KIAA1217: variants seen among roughly 807,000 people sequenced by gnomAD.
The protein encoded by KIAA1217 is KIAA1217, also known as sickle tail protein homolog.
KIAA1217 carries 88 observed loss-of-function variants against 163.9 expected under a neutral mutation model. The observed-to-expected ratio is 0.54, with a 90% CI of 0.45 to 0.64. KIAA1217 has a LOEUF of 0.64. Ranked by LOEUF, KIAA1217 falls within the 30% of genes least tolerant of loss-of-function variation. The pLI, the probability that KIAA1217 is intolerant of heterozygous loss-of-function variation, is 0.00. For missense variants in KIAA1217, 2,372 were observed against 2,475.0 expected (o/e 0.96, Z 0.88); for synonymous variants, 903 against 923.1 (o/e 0.98, Z 0.39).
chr10:24,063,465 T>C (rs1237013706), intron 2 of KIAA1217, among the ~76,000 whole-genome samples: 2 of 152,192 alleles, frequency 1.3e-5, no homozygotes, highest in Non-Finnish European at 1.5e-5. Flanking sequence ...TGTGGTATTA[T>C]TTCTGAGGGC....
chr10:24,010,389 T>C lies in KIAA1217; in HGVS notation c.-171+3015T>C, dbSNP rs146684940. ...ACTTTCTTTCTGTTCTTCTCAGTGA[T>C]ACTACCTTTGTTCAACCCATCTCTT... On this transcript the variant is annotated intron_variant, in intron 2 of 18. Coordinates refer to the KIAA1217 transcript ENST00000376462. Among the ~76,000 whole-genome samples the C allele has an allele frequency of 2.6e-4, 40 of 152,294 alleles. 1 individual carries two copies. The highest frequency in any genetic ancestry group is 8.9e-4 in the African/African-American group (37 of 41,586).
intron 1 of KIAA1217, among the ~76,000 whole-genome samples, chr10:23,822,151 T>A (rs1837651072): frequency 1.3e-5 from 2 of 152,170 alleles, no homozygotes; most frequent in Admixed American, 1.3e-4. Context: ...ATCCCTTTCC[T>A]GTCAGGAAAG....
intron 2 of KIAA1217, among the ~76,000 whole-genome samples, chr10:24,294,451 C>T (rs894771765): frequency 3.9e-5 from 6 of 152,194 alleles, no homozygotes; most frequent in African/African-American, 1.4e-4. Context: ...CAACTGGCAC[C>T]TTCCCTGTCT....
chr10:24,324,408 A>T (rs2044592203), intron 2 of KIAA1217, among the ~76,000 whole-genome samples: 1 of 152,124 alleles, frequency 6.6e-6, no homozygotes, highest in Non-Finnish European at 1.5e-5. Flanking sequence ...CTCCACTAAA[A>T]ATACAAAAAT....
intron 2 of KIAA1217, among the ~76,000 whole-genome samples, chr10:24,183,005 A>G (rs1335136981): frequency 6.6e-6 from 1 of 152,166 alleles, no homozygotes; most frequent in Non-Finnish European, 1.5e-5. Flanking sequence ...TCCCTTGTGA[A>G]AGGCTTAGTG....
intron 1 of KIAA1217, among the ~76,000 whole-genome samples, chr10:24,002,493 G>A (rs61849227): frequency 0.23 from 34,591 of 152,054 alleles, 4,368 homozygotes; most frequent in East Asian, 0.28. Context: ...CAGATGCCCA[G>A]TGGGTCCACC....
At chr10:24,167,987 C>T (rs185703627) in intron 2 of KIAA1217, among the ~76,000 whole-genome samples, 390 of 152,226 alleles carry the variant, frequency 2.6e-3, no homozygotes, top group African/African-American at 8.5e-3. Context: ...AGAGCCCTCA[C>T]GAAAACATCT....
chr10:24,158,217 T>G (rs1034621712), intron 2 of KIAA1217: 1 of 734,486 alleles, frequency 1.4e-6, no homozygotes, highest in Non-Finnish European at 2.6e-6. Context: ...CATCTACTCC[T>G]GGAACAGGGC....
chr10:24,178,024 A>G (rs1187950794), intron 2 of KIAA1217, among the ~76,000 whole-genome samples: 2 of 152,200 alleles, frequency 1.3e-5, no homozygotes, highest in Non-Finnish European at 2.9e-5. Flanking sequence ...TTTAGCTTTT[A>G]GAGAGTAACA....
chr10:24,390,642 G>A (rs183119922), intron 3 of KIAA1217, among the ~76,000 whole-genome samples: 6 of 152,270 alleles, frequency 3.9e-5, no homozygotes, highest in East Asian at 1.9e-4. Context: ...ACTTTAATTT[G>A]CCAAAACATT....
chr10:24,291,420 T>C (rs1214351868), intron 2 of KIAA1217, among the ~76,000 whole-genome samples: 1 of 152,072 alleles, frequency 6.6e-6, no homozygotes, highest in Non-Finnish European at 1.5e-5. Flanking sequence ...ATCCCAGCTA[T>C]TAGGGTGGCT....
intron 9 of KIAA1217, among the ~76,000 whole-genome samples, chr10:24,504,404 C>T (rs1393850766): frequency 6.6e-6 from 1 of 152,172 alleles, no homozygotes; most frequent in Non-Finnish European, 1.5e-5. Context: ...CATTTGTATT[C>T]CCTGGGTCCC....
At chr10:23,701,302 G>C (rs1450586926) in intron 1 of KIAA1217, among the ~76,000 whole-genome samples, 3 of 152,138 alleles carry the variant, frequency 2.0e-5, no homozygotes, top group African/African-American at 7.2e-5. Context: ...GGAAATAAAT[G>C]CATTTATCTC....
intron 1 of KIAA1217, among the ~76,000 whole-genome samples, chr10:23,947,024 A>G (rs1394246599): frequency 6.6e-6 from 1 of 151,852 alleles, no homozygotes; most frequent in African/African-American, 2.4e-5. Flanking sequence ...GCTTTTCCCC[A>G]TTTTGCTTGA....
At chr10:24,494,012 C>G (rs551265717) in intron 6 of KIAA1217, among the ~76,000 whole-genome samples, 1 of 152,264 alleles carries the variant, frequency 6.6e-6, no homozygotes, top group Middle Eastern at 3.4e-3. Context: ...TTTGTGTTGC[C>G]CCTAAGCTGT....
chr10:23,990,242 T>C (rs2131435435), intron 1 of KIAA1217, among the ~76,000 whole-genome samples: 1 of 152,242 alleles, frequency 6.6e-6, no homozygotes, highest in Admixed American at 6.5e-5. Context: ...CAAAGGTAAA[T>C]CATGCAACAT....
intron 1 of KIAA1217, among the ~76,000 whole-genome samples, chr10:23,849,413 A>T (rs1348643058): frequency 1.3e-5 from 2 of 152,022 alleles, no homozygotes; most frequent in East Asian, 3.9e-4. Context: ...AGGACCCTAG[A>T]TCTGTGTTGA....
At position 24,380,721 on chromosome 10, in the gene KIAA1217, G is replaced by A. The variant is rs575637517; in HGVS notation, c.355-148G>A. ...CACAACTGATACTTTGACCCACTGGGTCTTTAGTTTTCCCTATCTAACCCT... is the reference window on the plus strand; with the variant it reads ...CACAACTGATACTTTGACCCACTGGATCTTTAGTTTTCCCTATCTAACCCT... On this transcript the variant is annotated intron_variant, in intron 2 of 20. Transcript: ENST00000376454. 105 of 459,324 alleles carry A rather than the reference G, an allele frequency of 2.3e-4. No individual in the cohort carries two copies. In the East Asian group the frequency reaches 3.1e-3, roughly 14 times the overall value. 28.5% of individuals were successfully genotyped at this position (459,324 alleles called of 1,614,324 possible). A position where few individuals can be genotyped will look rare whatever the true frequency, so the allele number is the denominator to read the frequency against.
intron 2 of KIAA1217, among the ~76,000 whole-genome samples, chr10:24,318,071 C>T (rs543605044): frequency 3.0e-4 from 45 of 152,154 alleles, no homozygotes; most frequent in South Asian, 6.2e-4. Context: ...CTTTGGGAAG[C>T]GGAGGCAGGA....
Sources: allele counts gnomAD v4.1 joint callset (sites outside exome capture counted in the v4.1 genomes callset), GRCh38; gene constraint gnomAD v4.1.1; transcripts MANE v1.5; gene names NCBI Gene and HGNC (gene_info 2026-07-23, HGNC 2026-07-21).